Variants in USP22 observed in about 807,000 individuals in gnomAD.
USP22 encodes the protein ubiquitin specific peptidase 22.
USP22 carries 22 observed loss-of-function variants against 68.1 expected under a neutral mutation model. The ratio of observed to expected loss-of-function variants is 0.32; its 90% CI spans 0.23 to 0.46. The LOEUF is 0.46. Among genes scored for constraint, USP22 ranks in the 20% least tolerant of loss-of-function variants. The probability of loss-of-function intolerance (pLI) is 1.00; values close to 1 mark genes in which losing one functional copy is unlikely to be tolerated. For missense variants in USP22, 433 were observed against 695.8 expected, an observed-to-expected ratio of 0.62 and a Z score of 4.25; for synonymous variants, 279 against 274.2, an observed-to-expected ratio of 1.02 and a Z score of -0.17.
chr17:21,042,276 G>C (rs1225870439), intron 1 of USP22: 1 of 161,158 alleles, frequency 6.2e-6, no homozygotes, highest in East Asian at 1.7e-4. Flanking sequence ...CAGGCAGCAG[G>C]GCAGGAGAAC....
At chr17:21,042,520 G>C (rs1972451938) in intron 1 of USP22, 145 bp downstream of exon 1, 1 of 752,182 alleles carries the variant, frequency 1.3e-6, no homozygotes, top group East Asian at 3.4e-5. Flanking sequence ...GTAAAGAGAA[G>C]AGAGGGCAGA....
intron 2 of USP22, among the ~76,000 whole-genome samples, chr17:21,023,576 CA>C (rs1972183794): frequency 7.2e-6 from 1 of 139,502 alleles, no homozygotes; most frequent in Non-Finnish European, 1.6e-5. Flanking sequence ...GCCCGGAAGG[CA>C]GAGGCTGCAG....
chr17:21,034,310 C>T (rs376465001), intron 1 of USP22, among the ~76,000 whole-genome samples: 1 of 152,100 alleles, frequency 6.6e-6, no homozygotes, highest in African/African-American at 2.4e-5. Flanking sequence ...CAGCAGTTGC[C>T]GGTGATGTCC....
At position 21,042,909 on chromosome 17, in the gene USP22, C is replaced by G. The variant is rs1339352651; in HGVS notation, c.-74G>C. 3.4e-5 allele frequency: 36 copies of G among 1,058,640 alleles called. No individual in the cohort carries two copies. The highest frequency in any genetic ancestry group is 1.7e-5 in the Non-Finnish European group (14 of 837,724). 65.6% of individuals were successfully genotyped at this position (1,058,640 alleles called of 1,614,324 possible). ...GGACGACGCCAGCGCGGCGTGGGGG[C>G]TGCTCGGCGGCTGGCCAGGCTGGCC... is the stretch of plus-strand genomic sequence containing the variant. On this transcript the variant is annotated 5_prime_UTR_variant, in exon 1 of 13. Coordinates refer to ENST00000261497, the MANE Select transcript of USP22 (RefSeq NM_015276.2).
At position 21,002,845 on chromosome 17, in the gene USP22, C is replaced by A; in HGVS notation, c.*186G>T. ...ATCTTCAAAGCAGCTCCAGGAGCCT[C>A]CCCGTCCGTGTGGTCCATCCCGACC... is the stretch of plus-strand genomic sequence containing the variant. On this transcript the variant is annotated 3_prime_UTR_variant, in exon 13 of 13. Transcript: ENST00000261497. 1.5e-6 allele frequency: 1 copy of A among 662,476 alleles called. No individual in the cohort carries two copies. Among genetic ancestry groups the A allele is most frequent in the Admixed American group, 2.4e-5 (1 of 42,394 alleles). The allele number at this position is 662,476 out of a possible 1,614,324, so 41.0% of individuals were successfully genotyped here.
rs1481253932 is a variant in USP22, at chr17:21,018,100, G to C, written c.532C>G (p.Leu178Val). 1.2e-6 allele frequency: 2 copies of C among 1,600,488 alleles called. No homozygotes were observed. Residue 178 changes from leucine (L) to valine (V), a missense_variant, in exon 5 of 13, where the codon CTG becomes GTG. Physicochemically the swap from Leu to Val is conservative, Grantham distance 32. Coordinates refer to ENST00000261497, the MANE Select transcript of USP22 (RefSeq NM_015276.2). The part of the protein sequence containing the change: ...TSNCTIGLRG[L>V]INLGNTCFMN... ...AAGCATGTGTTCCCAAGGTTGATCA[G>C]CCCACGCAGACCTGGACACAAATCA...
At chr17:21,013,021 T>A in intron 6 of USP22, 86 bp from the exon 7 acceptor site, 1 of 1,333,078 alleles carries the variant, frequency 7.5e-7, no homozygotes, top group African/African-American at 1.4e-5. Context: ...TGCAGAAGCC[T>A]GGGGGAGCCA....
Position 21,011,172 on chromosome 17 carries a change from G to A in USP22, c.1082C>T (p.Thr361Met), listed in dbSNP as rs372666473. 3.3e-5 allele frequency: 53 copies of A among 1,606,472 alleles called. No homozygotes were observed. The African/African-American group carries it at 4.7e-4, about 14-fold the overall frequency. Reference sequence around the variant, plus strand: ...TCACCGTCGCAGGCAGTCCGTGAGCGTGGTGGTTCCCGACACGTGGCTTTC... The same window carrying A: ...TCACCGTCGCAGGCAGTCCGTGAGCATGGTGGTTCCCGACACGTGGCTTTC... ...NGESHVSGTTTLTDCLRRFTR... is the reference protein window; with the variant it reads ...NGESHVSGTTMLTDCLRRFTR... Residue 361 changes from threonine to methionine, a missense_variant, in exon 8 of 13, where the codon ACG becomes ATG. Physicochemically the swap from Thr to Met is moderately conservative, Grantham distance 81. Coordinates refer to ENST00000261497, the MANE Select transcript of USP22 (RefSeq NM_015276.2).
intron 1 of USP22, among the ~76,000 whole-genome samples, chr17:21,029,244 A>T (rs1278424650): frequency 6.6e-6 from 1 of 152,228 alleles, no homozygotes; most frequent in African/African-American, 2.4e-5. Context: ...CCAACCACCC[A>T]GGAGTGCCAC....
rs1449121214 is a variant in USP22 at position 21,004,344 on chromosome 17, G to A, written c.1393C>T (p.Leu465=). 18 of 1,614,040 alleles carry A rather than the reference G, an allele frequency of 1.1e-5. No individual in the cohort carries two copies. The highest frequency in any genetic ancestry group is 1.5e-5 in the Non-Finnish European group (18 of 1,179,998). The change falls in exon 12 of 13, where the codon CTG becomes TTG. Residue 465 remains leucine (L), a synonymous_variant. Transcript: ENST00000261497. ...CCTTGATGGTTAACAACAGCAAACA[G>A]GGAATACCTAGTGCAGGAGCAAAGG... ...DSLNNDNKYS[L]FAVVNHQGTL...
intron 8 of USP22, among the ~76,000 whole-genome samples, chr17:21,010,039 A>C (rs935483597): frequency 1.3e-4 from 20 of 152,076 alleles, no homozygotes; most frequent in Non-Finnish European, 2.6e-4. Context: ...ACTACTCAGG[A>C]GGCCGAGACA....
intron 6 of USP22, among the ~76,000 whole-genome samples, chr17:21,014,297 A>C (rs1479157567): frequency 1.3e-5 from 2 of 152,230 alleles, no homozygotes; most frequent in African/African-American, 4.8e-5. Context: ...ATTTAACAGC[A>C]ATGCATTTTT....
intron 5 of USP22, among the ~76,000 whole-genome samples, chr17:21,017,166 G>A (rs1972093178): frequency 6.6e-6 from 1 of 152,214 alleles, no homozygotes. Context: ...CTGTCCAACT[G>A]CTCAACTCTG....
rs554213115 is a variant in USP22, at chr17:21,042,791, C to G, written c.45G>C (p.Glu15Asp). The change falls in exon 1 of 13, where the codon GAG becomes GAC. Residue 15 changes from glutamate (E) to aspartate (D), a missense_variant. Glu to Asp is a conservative substitution (Grantham distance 45). Transcript: ENST00000261497. ...AGCAGCCCGGCGGCGCTACCGCCAG[C>G]TCGGCGTCCATGGCCTCGCCCTCGG... ...PEPEGEAMDAELAVAPPGCSH... is the reference protein window; with the variant it reads ...PEPEGEAMDADLAVAPPGCSH... 1 of 1,484,700 alleles carries G rather than the reference C, an allele frequency of 6.7e-7. No individual in the cohort carries two copies. The highest frequency in any genetic ancestry group is 2.1e-5 in the Admixed American group (1 of 47,844). The allele number at this position is 1,484,700 out of a possible 1,614,324, so 92.0% of individuals were successfully genotyped here. A position where few individuals can be genotyped will look rare whatever the true frequency, so the allele number is the denominator to read the frequency against.
chr17:21,006,886 C>A lies in USP22; in HGVS notation c.1322+10G>T. 6 of 1,594,858 alleles carry A rather than the reference C, an allele frequency of 3.8e-6. No homozygotes were observed. Among genetic ancestry groups the A allele is most frequent in the Non-Finnish European group, 5.1e-6 (6 of 1,170,308 alleles). On this transcript the variant is annotated intron_variant, in intron 10 of 12. Coordinates refer to ENST00000261497, the MANE Select transcript of USP22 (RefSeq NM_015276.2). ...CTCAGGACACAGAACGGGCCTACAACCCCACATACCTGGAGGCCATGAAAG... is the reference window on the plus strand; with the variant it reads ...CTCAGGACACAGAACGGGCCTACAAACCCACATACCTGGAGGCCATGAAAG...
chr17:21,037,468 T>C (rs574495355), intron 1 of USP22, among the ~76,000 whole-genome samples: 21 of 152,310 alleles, frequency 1.4e-4, no homozygotes, highest in Admixed American at 3.9e-4. Context: ...TTTACGGGAA[T>C]GAGAAGGGCA....
chr17:21,006,437 CAT>C (rs1438470538), intron 10 of USP22: 1 of 151,534 alleles, frequency 6.6e-6, no homozygotes, highest in Admixed American at 6.6e-5. Flanking sequence ...AACTCATTAA[CAT>C]GTGCTGTATC....
chr17:21,036,204 T>C (rs1972354616), intron 1 of USP22, among the ~76,000 whole-genome samples: 1 of 151,222 alleles, frequency 6.6e-6, no homozygotes, highest in East Asian at 1.9e-4. Flanking sequence ...CCAGTGGTTG[T>C]GGAGAGTTAG....
Position 21,018,107 on chromosome 17 carries a change from C to A in USP22, c.525G>T (p.Leu175=), listed in dbSNP as rs946057636. The A allele has an allele frequency of 1.9e-6, 3 of 1,588,102 alleles. No individual in the cohort carries two copies. Among genetic ancestry groups the A allele is most frequent in the South Asian group, 1.1e-5 (1 of 87,524 alleles). ...TGTTCCCAAGGTTGATCAGCCCACG[C>A]AGACCTGGACACAAATCACCAGAGA... ...RKITSNCTIG[L]RGLINLGNTC... Residue 175 remains leucine, a synonymous_variant, in exon 5 of 13, where the codon CTG becomes CTT. Coordinates refer to ENST00000261497, the MANE Select transcript of USP22 (RefSeq NM_015276.2).
Sources: allele counts gnomAD v4.1 joint callset (sites outside exome capture counted in the v4.1 genomes callset), GRCh38; gene constraint gnomAD v4.1.1; transcripts MANE v1.5; gene names NCBI Gene and HGNC (gene_info 2026-07-23, HGNC 2026-07-21).